The following METTL15 variants were observed in gnomAD, a reference collection of about 807,000 sequenced individuals.
METTL15 encodes 12S rRNA N(4)-cytidine methyltransferase METTL15.
METTL15 carries 34 observed loss-of-function variants against 38.3 expected under a neutral mutation model. That is an observed-to-expected ratio of 0.89 (90% CI 0.68 to 1.18). The LOEUF (loss-of-function observed/expected upper bound fraction) is 1.18. Ranked by LOEUF, METTL15 falls within the 50% of genes most tolerant of loss-of-function variation. The pLI, the probability that METTL15 is intolerant of heterozygous loss-of-function variation, is 0.00. For missense variants in METTL15, 438 were observed against 498.4 expected (o/e 0.88, Z 1.15); for synonymous variants, 162 against 170.9 (o/e 0.95, Z 0.41).
At chr11:28,462,378 G>A (rs1404572040) in intron 6 of METTL15, among the ~76,000 whole-genome samples, 2 of 151,600 alleles carry the variant, frequency 1.3e-5, no homozygotes, top group African/African-American at 4.8e-5. Flanking sequence ...GAGACTGGAA[G>A]GTAATGTATC....
chr11:28,442,723 C>A (rs1334362916), intron 6 of METTL15, among the ~76,000 whole-genome samples: 1 of 152,106 alleles, frequency 6.6e-6, no homozygotes, highest in Non-Finnish European at 1.5e-5. Flanking sequence ...CCTGGGAAAT[C>A]CATGGCAAAT....
intron 6 of METTL15, among the ~76,000 whole-genome samples, chr11:28,523,646 A>G (rs899461791): frequency 6.6e-6 from 1 of 152,262 alleles, no homozygotes; most frequent in African/African-American, 2.4e-5. Context: ...ACTTGAAATG[A>G]GGTACTATCT....
chr11:28,208,662 C>G (rs1036779480), intron 3 of METTL15, among the ~76,000 whole-genome samples: 9 of 152,038 alleles, frequency 5.9e-5, no homozygotes, highest in Non-Finnish European at 1.0e-4. Context: ...TCCTGAGTAT[C>G]CTTGTTAACT....
At chr11:28,139,852 A>T (rs1040739793) in intron 3 of METTL15, among the ~76,000 whole-genome samples, 1 of 152,220 alleles carries the variant, frequency 6.6e-6, no homozygotes, top group Non-Finnish European at 1.5e-5. Flanking sequence ...CAGGATGGAG[A>T]AAATGCCTGA....
At chr11:28,184,109 C>G (rs554960162) in intron 3 of METTL15, among the ~76,000 whole-genome samples, 1 of 151,464 alleles carries the variant, frequency 6.6e-6, no homozygotes, top group Non-Finnish European at 1.5e-5. Flanking sequence ...TGATATCCCT[C>G]ATATTATTTT....
At chr11:28,117,586 C>T (rs1030891783) in intron 3 of METTL15, among the ~76,000 whole-genome samples, 1 of 152,092 alleles carries the variant, frequency 6.6e-6, no homozygotes, top group Non-Finnish European at 1.5e-5. Context: ...GTTCAAGTAC[C>T]TACAAATGTA....
chr11:28,116,818 G>C (rs944029280), intron 3 of METTL15, among the ~76,000 whole-genome samples: 3 of 152,202 alleles, frequency 2.0e-5, no homozygotes, highest in Admixed American at 6.5e-5. Context: ...TGTTGAGGCT[G>C]AAGTATGGTG....
chr11:28,411,725 A>G (rs1006193951), intron 5 of METTL15, among the ~76,000 whole-genome samples: 36 of 152,036 alleles, frequency 2.4e-4, no homozygotes, highest in African/African-American at 8.4e-4. Context: ...GTACCAAATA[A>G]ATAAGTAAAT....
At chr11:28,136,917 G>GATAATGACT (rs1849533422) in intron 3 of METTL15, among the ~76,000 whole-genome samples, 3 of 151,532 alleles carry the variant, frequency 2.0e-5, no homozygotes, top group Admixed American at 6.6e-5. Flanking sequence ...AAAAAAAAAG[G>GATAATGACT]TAAAACCTTT....
intron 6 of METTL15, among the ~76,000 whole-genome samples, chr11:28,467,914 T>C (rs1851270249): frequency 6.6e-6 from 1 of 152,104 alleles, no homozygotes; most frequent in South Asian, 2.1e-4. Context: ...CCTTCCAAAA[T>C]ATATTTATTT....
At chr11:28,194,757 A>G (rs1851847408) in intron 3 of METTL15, among the ~76,000 whole-genome samples, 1 of 151,974 alleles carries the variant, frequency 6.6e-6, no homozygotes, top group African/African-American at 2.4e-5. Flanking sequence ...GATGAATTGT[A>G]TAGTGGTGAA....
intron 5 of METTL15, among the ~76,000 whole-genome samples, chr11:28,402,206 TCAC>T (rs1379796052): frequency 6.6e-6 from 1 of 151,920 alleles, no homozygotes; most frequent in Non-Finnish European, 1.5e-5. Context: ...TTCCTTTCCC[TCAC>T]CAGTGGCAAC....
At chr11:28,421,440 T>C (rs1344060836) in intron 5 of METTL15, among the ~76,000 whole-genome samples, 1 of 152,004 alleles carries the variant, frequency 6.6e-6, no homozygotes, top group Non-Finnish European at 1.5e-5. Flanking sequence ...CTCTGATGCA[T>C]ATTAATACAA....
chr11:28,341,611 G>A (rs942193179), intron 3 of METTL15, among the ~76,000 whole-genome samples: 2 of 152,090 alleles, frequency 1.3e-5, no homozygotes, highest in Non-Finnish European at 2.9e-5. Flanking sequence ...TTTATAAGGT[G>A]GGTGTATTAA....
intron 3 of METTL15, among the ~76,000 whole-genome samples, chr11:28,127,671 A>G (rs894428222): frequency 1.3e-5 from 2 of 152,068 alleles, no homozygotes; most frequent in African/African-American, 4.8e-5. Context: ...AGTGACTTTA[A>G]TTTATTTGAA....
intron 4 of METTL15, among the ~76,000 whole-genome samples, chr11:28,245,754 G>A (rs180730020): frequency 1.3e-5 from 2 of 152,280 alleles, no homozygotes; most frequent in Admixed American, 1.3e-4. Context: ...GAAACTTACA[G>A]TCATGGCGAA....
At chr11:28,285,817 A>G (rs999718645) in intron 4 of METTL15, among the ~76,000 whole-genome samples, 1 of 152,088 alleles carries the variant, frequency 6.6e-6, no homozygotes, top group African/African-American at 2.4e-5. Flanking sequence ...TTCTTTCCCC[A>G]GTAGCTCGAT....
intron 5 of METTL15, among the ~76,000 whole-genome samples, chr11:28,398,127 T>C (rs1850592246): frequency 6.6e-6 from 1 of 151,936 alleles, no homozygotes; most frequent in Non-Finnish European, 1.5e-5. Flanking sequence ...TTAGGAGATA[T>C]ACCTAATTGT....
chr11:28,374,000 G>A (rs1211212055), intron 5 of METTL15, among the ~76,000 whole-genome samples: 1 of 151,992 alleles, frequency 6.6e-6, no homozygotes, highest in Non-Finnish European at 1.5e-5. Context: ...ATTTCTGAGG[G>A]CTCTGTTCTG....
Sources: gnomAD v4.1 joint callset for allele counts (sites outside exome capture counted in the v4.1 genomes callset) on GRCh38, gnomAD v4.1.1 for gene constraint, MANE v1.5 for transcripts, NCBI Gene and HGNC (gene_info 2026-07-23, HGNC 2026-07-21) for gene names.